TCN1: variants seen among roughly 807,000 people sequenced by gnomAD.
TCN1 encodes transcobalamin 1.
In TCN1, 47 loss-of-function variants were observed where a neutral mutation model predicts 46.3. The ratio of observed to expected loss-of-function variants is 1.01; its 90% CI spans 0.80 to 1.29. The LOEUF is 1.29. Ranked by LOEUF, TCN1 falls within the 50% of genes most tolerant of loss-of-function variation. The probability of loss-of-function intolerance (pLI) is 0.00; values close to 1 mark genes in which losing one functional copy is unlikely to be tolerated. For missense variants in TCN1, 532 were observed against 511.0 expected, an observed-to-expected ratio of 1.04 and a Z score of -0.40; for synonymous variants, 183 against 192.5, an observed-to-expected ratio of 0.95 and a Z score of 0.41.
At chr11:59,866,289 A>C in intron 1 of TCN1, 103 bp downstream of exon 1, 1 of 1,229,902 alleles carries the variant, frequency 8.1e-7, no homozygotes, top group South Asian at 1.2e-5. Flanking sequence ...CACATACGAA[A>C]CTGGAATGGG....
At chr11:59,855,536 G>A (rs1035884257) in intron 6 of TCN1, among the ~76,000 whole-genome samples, 5 of 152,118 alleles carry the variant, frequency 3.3e-5, no homozygotes, top group Middle Eastern at 3.2e-3. Context: ...TCAGAGTCAC[G>A]GTACCAATAC....
At chr11:59,856,117 T>G in intron 5 of TCN1, 59 bp from the exon 6 acceptor site, 54 of 1,334,990 alleles carry the variant, frequency 4.0e-5, no homozygotes, top group Middle Eastern at 4.3e-4. Flanking sequence ...AGAGAGAGAA[T>G]ATGAGACACT....
chr11:59,865,956 G>T (rs1008591282), intron 1 of TCN1, among the ~76,000 whole-genome samples: 6 of 152,090 alleles, frequency 3.9e-5, no homozygotes, highest in Non-Finnish European at 5.9e-5. Context: ...ATTTGAAAGA[G>T]ATTATTATTT....
intron 2 of TCN1, 89 bp from the exon 3 acceptor site, chr11:59,862,811 C>G: frequency 6.9e-7 from 1 of 1,452,582 alleles, no homozygotes; most frequent in Non-Finnish European, 9.6e-7. Context: ...TTGCCTATCA[C>G]TTTTTTCTTC....
At chr11:59,857,924 A>C (rs1362835886) in intron 5 of TCN1, among the ~76,000 whole-genome samples, 1 of 152,156 alleles carries the variant, frequency 6.6e-6, no homozygotes, top group East Asian at 1.9e-4. Flanking sequence ...GTGATGGGGT[A>C]GTTTGCTCTT....
intron 7 of TCN1, among the ~76,000 whole-genome samples, chr11:59,853,712 A>G (rs993646642): frequency 6.6e-6 from 1 of 152,204 alleles, no homozygotes; most frequent in African/African-American, 2.4e-5. Flanking sequence ...GAGACACCAT[A>G]AGTTACTGAG....
chr11:59,866,254 CT>C, intron 1 of TCN1, 137 bp downstream of exon 1: 1 of 830,230 alleles, frequency 1.2e-6, no homozygotes. Flanking sequence ...TCCTGCCACC[CT>C]TTTCATCATT....
chr11:59,863,663 C>A (rs761885427), intron 2 of TCN1, among the ~76,000 whole-genome samples: 1 of 152,048 alleles, frequency 6.6e-6, no homozygotes, highest in Non-Finnish European at 1.5e-5. Flanking sequence ...GGATAAAAAT[C>A]CATAGCTTTT....
At position 59,855,914 on chromosome 11, in the gene TCN1, T is replaced by C; in HGVS notation, c.892A>G (p.Thr298Ala). 6.2e-7 allele frequency: 1 copy of C among 1,613,862 alleles called. No homozygotes were observed. Among genetic ancestry groups the C allele is most frequent in the African/African-American group, 1.3e-5 (1 of 75,016 alleles). ...AQVLPALMGK[T>A]FLDINKDSSC... ...GAGTCTTTGTTAATATCCAAGAAGG[T>C]CTTTCCCATCAGGGCAGGTAAGACC... is the stretch of plus-strand genomic sequence containing the variant. The change falls in exon 6 of 9, where the codon ACC (threonine) becomes GCC (alanine). Residue 298 changes from threonine to alanine, a missense_variant. Coordinates refer to ENST00000257264, the MANE Select transcript of TCN1 (RefSeq NM_001062.4).
chr11:59,853,117 C>A, intron 8 of TCN1, 81 bp from the exon 9 acceptor site: 1 of 1,598,622 alleles, frequency 6.3e-7, no homozygotes, highest in South Asian at 1.1e-5. Context: ...CTCTACTAAC[C>A]CCTTGGCCCA....
At position 59,854,685 on chromosome 11, in the gene TCN1, T is replaced by C; in HGVS notation, c.1088A>G (p.Glu363Gly). The C allele has an allele frequency of 6.2e-7, 1 of 1,614,022 alleles. No homozygotes were observed. The highest frequency in any genetic ancestry group is 8.5e-7 in the Non-Finnish European group (1 of 1,179,904). Residue 363 changes from glutamate (E) to glycine (G), a missense_variant, in exon 7 of 9, where the codon GAG becomes GGG. Glu to Gly is a moderately conservative substitution (Grantham distance 98). Transcript: ENST00000257264. ...AGTATCATTCATTTTCTGGGCTTTC[T>C]CCATCACACTGAGGAAGACAGAACC... ...LNGSVFLSVM[E>G]KAQKMNDTIF...
chr11:59,862,387 G>A (rs1221393478), intron 3 of TCN1, among the ~76,000 whole-genome samples, 195 bp downstream of exon 3: 1 of 152,024 alleles, frequency 6.6e-6, no homozygotes, highest in Non-Finnish European at 1.5e-5. Context: ...TTGACATAGG[G>A]TCAATGCTCA....
rs756772892 is a variant in TCN1 at position 59,862,735 on chromosome 11, G to T, written c.260-13C>A. The T allele has an allele frequency of 6.2e-7, 1 of 1,612,746 alleles. No homozygotes were observed. The highest frequency in any genetic ancestry group is 1.3e-5 in the African/African-American group (1 of 74,896). ...CTTACATCTGACACTGAAAAGAAAA[G>T]TATTCAAGCTTAATAAGGTACAGGC... On this transcript the variant is annotated splice_polypyrimidine_tract_variant and intron_variant, in intron 2 of 8. Transcript: ENST00000257264.
In TCN1 at chr11:59,859,114, A is replaced by C; in HGVS notation, c.710T>G (p.Leu237Arg). 6.2e-7 allele frequency: 1 copy of C among 1,613,892 alleles called. No individual in the cohort carries two copies. Among genetic ancestry groups the C allele is most frequent in the Non-Finnish European group, 8.5e-7 (1 of 1,180,008 alleles). Residue 237 changes from leucine to arginine, a missense_variant, in exon 5 of 9, where the codon CTC becomes CGC. Coordinates refer to ENST00000257264, the MANE Select transcript of TCN1 (RefSeq NM_001062.4). ...KILSEKKENG[L>R]IGNTFSTGEA... ...TCCTGTGCTAAATGTGTTTCCAATGAGACCATTTTCTTTTTTCTCAGACAG... is the reference window on the plus strand; with the variant it reads ...TCCTGTGCTAAATGTGTTTCCAATGCGACCATTTTCTTTTTTCTCAGACAG...
At chr11:59,860,132 T>G (rs1174057727) in intron 4 of TCN1, among the ~76,000 whole-genome samples, 4 of 152,126 alleles carry the variant, frequency 2.6e-5, no homozygotes, top group Admixed American at 6.5e-5. Context: ...TTGTTTGTTT[T>G]TTGTTTTTTG....
At chr11:59,865,265 G>A (rs1010162043) in intron 1 of TCN1, among the ~76,000 whole-genome samples, 2 of 152,050 alleles carry the variant, frequency 1.3e-5, no homozygotes, top group East Asian at 3.8e-4. Context: ...GAGATTTTGT[G>A]GAACCATCCA....
intron 1 of TCN1, 59 bp downstream of exon 1, chr11:59,866,333 T>C: frequency 6.5e-7 from 1 of 1,545,258 alleles, no homozygotes; most frequent in Non-Finnish European, 8.9e-7. Context: ...TAGAGTCTCT[T>C]GTCAACAGTT....
In TCN1 at chr11:59,856,019, A is replaced by T; in HGVS notation, c.787T>A (p.Trp263Arg). ...VSSDYYNEND[W>R]NCQQTLNTVL... is the part of the protein sequence containing the mutation. ...GTATTCAGAGTTTGTTGGCAATTCC[A>T]GTCATTTTCATTATAATAGTCTGAT... The change falls in exon 6 of 9, where the codon TGG (tryptophan) becomes AGG (arginine). Residue 263 changes from tryptophan (W) to arginine (R), a missense_variant. Coordinates refer to ENST00000257264, the MANE Select transcript of TCN1 (RefSeq NM_001062.4). 1.5e-6 allele frequency: 2 copies of T among 1,367,300 alleles called. No homozygotes were observed. The highest frequency in any genetic ancestry group is 1.9e-6 in the Non-Finnish European group (2 of 1,029,812). The allele number at this position is 1,367,300 out of a possible 1,614,324, so 84.7% of individuals were successfully genotyped here. A position where few individuals can be genotyped will look rare whatever the true frequency, so the allele number is the denominator to read the frequency against.
At chr11:59,861,790 G>A in intron 3 of TCN1, 108 bp from the exon 4 acceptor site, 9 of 1,335,806 alleles carry the variant, frequency 6.7e-6, no homozygotes, top group Non-Finnish European at 9.5e-6. Context: ...TTTAAGGAAA[G>A]GTGGCTAATA....
Sources: gnomAD v4.1 joint callset for allele counts (sites outside exome capture counted in the v4.1 genomes callset) on GRCh38, gnomAD v4.1.1 for gene constraint, MANE v1.5 for transcripts, NCBI Gene and HGNC (gene_info 2026-07-23, HGNC 2026-07-21) for gene names.